ABR: variants seen among roughly 807,000 people sequenced by gnomAD.
ABR encodes active breakpoint cluster region-related protein.
ABR carries 35 observed loss-of-function variants against 107.2 expected under a neutral mutation model. The observed-to-expected ratio is 0.33, with a 90% confidence interval of 0.25 to 0.43. The LOEUF (loss-of-function observed/expected upper bound fraction) is 0.43. Ranked by LOEUF, ABR falls within the 20% of genes least tolerant of loss-of-function variation. The pLI, the probability that ABR is intolerant of heterozygous loss-of-function variation, is 1.00. For missense variants in ABR, 815 were observed against 1,115.2 expected (o/e 0.73, Z 3.83); for synonymous variants, 498 against 462.0 (o/e 1.08, Z -1.00).
At chr17:1,187,074 ACCCACCAGGCTGGCCCTGTC>A (rs1286742976) in exon 1 of ABR, 1 of 152,226 alleles carries the variant, frequency 6.6e-6, no homozygotes, top group African/African-American at 2.4e-5. Context: ...CTCTGACACC[ACCCACCAGGCTGGCCCTGTC>A]CCCATCAGGC....
intron 1 of ABR, among the ~76,000 whole-genome samples, chr17:1,151,950 C>A (rs1213355701): frequency 6.6e-6 from 1 of 151,504 alleles, no homozygotes; most frequent in East Asian, 2.0e-4. Flanking sequence ...GTCAGGAGAT[C>A]GAGACCATCC....
At chr17:1,165,863 C>T (rs2041481603) in intron 1 of ABR, among the ~76,000 whole-genome samples, 1 of 152,182 alleles carries the variant, frequency 6.6e-6, no homozygotes, top group South Asian at 2.1e-4. Flanking sequence ...TGAGAGCAGC[C>T]TTGAGGGTGC....
At position 1,125,323 on chromosome 17, in the gene ABR, C is replaced by T; in HGVS notation, c.106G>A (p.Glu36Lys). 3 of 1,613,996 alleles carry T rather than the reference C, an allele frequency of 1.9e-6. No individual in the cohort carries two copies. Among genetic ancestry groups the T allele is most frequent in the Non-Finnish European group, 2.5e-6 (3 of 1,179,966 alleles). ...GAGCCCTCCGGGGGCCCCTTCTGCT[C>T]CTCATTCCCCTCTCCGTCGTACTCG... ...TDEYDGEGNE[E>K]QKGPPEGSET... The change falls in exon 2 of 23, where the codon GAG (glutamate) becomes AAG (lysine). Residue 36 changes from glutamate (E) to lysine (K), a missense_variant. By Grantham distance (56) the Glu-to-Lys change is moderately conservative. This residue lies in a region of ABR where 129 missense variants were observed against 124.8 expected (regional missense o/e 1.03). Coordinates refer to ENST00000302538, the MANE Select transcript of ABR (RefSeq NM_021962.5).
chr17:1,029,407 C>T lies in ABR; in HGVS notation c.1792-16243G>A, dbSNP rs555099970. ...CACTATTTAAAGGCTCAGTTCTGAT[C>T]ATGAGACCTTTCCATCTGAACAGAT... is the stretch of plus-strand genomic sequence containing the variant. On this transcript the variant is annotated intron_variant, in intron 16 of 22. Coordinates refer to ENST00000302538, the MANE Select transcript of ABR (RefSeq NM_021962.5). Among the ~76,000 whole-genome samples the T allele has an allele frequency of 4.6e-5, 7 of 152,292 alleles. No individual in the cohort carries two copies. The South Asian group carries it at 1.2e-3, about 27-fold the overall frequency.
intron 3 of ABR, among the ~76,000 whole-genome samples, chr17:1,095,392 G>C (rs1043862221): frequency 6.6e-6 from 1 of 152,162 alleles, no homozygotes; most frequent in Non-Finnish European, 1.5e-5. Context: ...TTTCACTCGC[G>C]GGGAGGGGAC....
intron 3 of ABR, among the ~76,000 whole-genome samples, chr17:1,099,625 C>A (rs1284446417): frequency 6.6e-6 from 1 of 152,254 alleles, no homozygotes; most frequent in Non-Finnish European, 1.5e-5. Context: ...CACGATCACT[C>A]TGCATAACAT....
At chr17:1,006,842 G>A (rs35905366) in intron 22 of ABR, among the ~76,000 whole-genome samples, 1 of 12,414 alleles carries the variant, frequency 8.1e-5, no homozygotes, top group Non-Finnish European at 1.8e-4. Flanking sequence ...CAGGGTACCT[G>A]CGCCATGACG....
At chr17:1,008,225 G>A (rs2070218497) in intron 21 of ABR, among the ~76,000 whole-genome samples, 1 of 152,224 alleles carries the variant, frequency 6.6e-6, no homozygotes, top group African/African-American at 2.4e-5. Flanking sequence ...GTCCAGGCAG[G>A]CCCAGGGTCA....
chr17:1,053,433 A>G (rs371105844), intron 14 of ABR, among the ~76,000 whole-genome samples: 51 of 126,868 alleles, frequency 4.0e-4, no homozygotes, highest in Admixed American at 7.9e-4. Flanking sequence ...TTCCGGAAGG[A>G]GCTGGGGACG....
intron 4 of ABR, among the ~76,000 whole-genome samples, chr17:1,089,820 T>C (rs113411017): frequency 5.3e-5 from 8 of 152,016 alleles, no homozygotes; most frequent in South Asian, 2.1e-4. Context: ...ATTAGCCGGG[T>C]GTGATGGTGG....
At chr17:1,018,888 G>A (rs1331785577) in intron 16 of ABR, among the ~76,000 whole-genome samples, 2 of 152,210 alleles carry the variant, frequency 1.3e-5, no homozygotes, top group Non-Finnish European at 2.9e-5. Context: ...TCTCACAGAT[G>A]AGGATGCTGC....
intron 16 of ABR, among the ~76,000 whole-genome samples, chr17:1,041,939 C>T (rs920262070): frequency 6.6e-6 from 1 of 151,924 alleles, no homozygotes; most frequent in Non-Finnish European, 1.5e-5. Flanking sequence ...GAGAGAAGGC[C>T]GAGGCAGGGG....
At chr17:1,083,974 T>C (rs2036429981) in intron 4 of ABR, among the ~76,000 whole-genome samples, 1 of 151,948 alleles carries the variant, frequency 6.6e-6, no homozygotes, top group Non-Finnish European at 1.5e-5. Flanking sequence ...TAATGTCTCA[T>C]ACTTCCTTCA....
chr17:1,065,858 G>C (rs1036265271), intron 10 of ABR, among the ~76,000 whole-genome samples: 2 of 149,266 alleles, frequency 1.3e-5, no homozygotes, highest in Non-Finnish European at 1.5e-5. Context: ...CAATTCTCCT[G>C]TCTCAGCCTC....
At chr17:1,055,979 G>A (rs1441361441) in intron 14 of ABR, 56 bp downstream of exon 14, 1 of 1,520,924 alleles carries the variant, frequency 6.6e-7, no homozygotes, top group Non-Finnish European at 9.1e-7. Context: ...ATCCTGGGCA[G>A]AGCAGTGCAG....
chr17:1,151,062 T>C (rs934848488), intron 1 of ABR, among the ~76,000 whole-genome samples: 2 of 152,174 alleles, frequency 1.3e-5, no homozygotes, highest in African/African-American at 2.4e-5. Context: ...GCTCCACCCC[T>C]TACCAGCTGT....
At chr17:1,207,292 G>T (rs2042807117) in intron 1 of ABR, among the ~76,000 whole-genome samples, 1 of 151,770 alleles carries the variant, frequency 6.6e-6, no homozygotes, top group South Asian at 2.1e-4. Context: ...AAGAAGTAAG[G>T]TGAGAATATA....
intron 16 of ABR, among the ~76,000 whole-genome samples, chr17:1,043,329 G>T (rs376225901): frequency 6.6e-6 from 1 of 151,920 alleles, no homozygotes; most frequent in Non-Finnish European, 1.5e-5. Context: ...CACCACGCCC[G>T]GCTAATTTTT....
chr17:1,217,511 T>A (rs1226309323), intron 1 of ABR, among the ~76,000 whole-genome samples: 1 of 152,210 alleles, frequency 6.6e-6, no homozygotes, highest in African/African-American at 2.4e-5. Flanking sequence ...ACATATTGAC[T>A]TATTTAACCT....
Sources: allele counts gnomAD v4.1 joint callset (sites outside exome capture counted in the v4.1 genomes callset), GRCh38; gene constraint gnomAD v4.1.1; regional missense constraint gnomAD v4.1.1; transcripts MANE v1.5; gene names NCBI Gene and HGNC (gene_info 2026-07-23, HGNC 2026-07-21).